IMMP2L: variants seen among roughly 807,000 people sequenced by gnomAD.
IMMP2L encodes the protein mitochondrial inner membrane protease subunit 2.
A neutral mutation model predicts 19.3 loss-of-function variants in IMMP2L; 18 were observed. That is an observed-to-expected ratio of 0.93 (90% confidence interval 0.64 to 1.38). IMMP2L has a LOEUF of 1.38. Ranked by LOEUF, IMMP2L falls within the 40% of genes most tolerant of loss-of-function variation. The pLI, the probability that IMMP2L is intolerant of heterozygous loss-of-function variation, is 0.00. For missense variants in IMMP2L, 233 were observed against 218.2 expected (o/e 1.07, Z -0.43); for synonymous variants, 76 against 73.0 (o/e 1.04, Z -0.21).
intron 5 of IMMP2L, among the ~76,000 whole-genome samples, chr7:110,881,705 C>A (rs867924735): frequency 6.6e-6 from 1 of 152,020 alleles, no homozygotes; most frequent in Non-Finnish European, 1.5e-5. Context: ...TGCTACAATT[C>A]GACAATAAAA....
intron 3 of IMMP2L, among the ~76,000 whole-genome samples, chr7:111,470,840 C>G (rs1841190429): frequency 6.6e-6 from 1 of 150,860 alleles, no homozygotes; most frequent in African/African-American, 2.4e-5. Context: ...CTAACCTGCA[C>G]ATTGTGCTCA....
intron 5 of IMMP2L, chr7:110,725,936 T>G (rs918003606): frequency 3.3e-5 from 5 of 152,334 alleles, no homozygotes; most frequent in African/African-American, 1.2e-4. Context: ...AAGTCTTATA[T>G]ATATTAACTC....
intron 3 of IMMP2L, among the ~76,000 whole-genome samples, chr7:111,201,293 A>C (rs1045255717): frequency 3.3e-5 from 5 of 151,898 alleles, no homozygotes; most frequent in African/African-American, 1.2e-4. Flanking sequence ...AAAAAAAAAA[A>C]CTGCGTCAAT....
intron 1 of IMMP2L, among the ~76,000 whole-genome samples, chr7:111,550,139 TG>T (rs1849315488): frequency 6.6e-6 from 1 of 152,068 alleles, no homozygotes; most frequent in Admixed American, 6.5e-5. Context: ...AATAAGCTCC[TG>T]GGAAAATACC....
chr7:111,455,350 C>T (rs1839588054), intron 3 of IMMP2L, among the ~76,000 whole-genome samples: 1 of 151,434 alleles, frequency 6.6e-6, no homozygotes, highest in African/African-American at 2.4e-5. Flanking sequence ...TCTTTGATAC[C>T]CATTCTTTTT....
chr7:111,418,025 AATT>A, intron 3 of IMMP2L, among the ~76,000 whole-genome samples: 1 of 151,982 alleles, frequency 6.6e-6, no homozygotes, highest in African/African-American at 2.4e-5. Flanking sequence ...ATCTATAAAA[AATT>A]ATATTATAAA....
intron 3 of IMMP2L, among the ~76,000 whole-genome samples, chr7:111,235,628 A>T (rs1174950486): frequency 6.6e-6 from 1 of 151,756 alleles, no homozygotes; most frequent in Non-Finnish European, 1.5e-5. Flanking sequence ...CCTTCTTTTA[A>T]GATTTTCTCA....
chr7:110,951,997 A>G (rs1817878472), intron 4 of IMMP2L, among the ~76,000 whole-genome samples: 1 of 152,126 alleles, frequency 6.6e-6, no homozygotes, highest in Non-Finnish European at 1.5e-5. Flanking sequence ...GTTCAGGCTG[A>G]AATATTCAAG....
intron 3 of IMMP2L, among the ~76,000 whole-genome samples, chr7:111,376,221 T>TA (rs1394582280): frequency 2.6e-5 from 4 of 151,628 alleles, no homozygotes; most frequent in Admixed American, 2.0e-4. Context: ...AGTTTTTTGG[T>TA]AAAAAAAATA....
At chr7:111,148,748 GTA>G (rs778091412) in intron 3 of IMMP2L, among the ~76,000 whole-genome samples, 1 of 151,706 alleles carries the variant, frequency 6.6e-6, no homozygotes, top group Non-Finnish European at 1.5e-5. Flanking sequence ...TGACATACGT[GTA>G]TGTGTGTGTG....
At chr7:110,952,747 T>C (rs1044674941) in intron 4 of IMMP2L, among the ~76,000 whole-genome samples, 1 of 152,126 alleles carries the variant, frequency 6.6e-6, no homozygotes, top group Admixed American at 6.6e-5. Flanking sequence ...GTGTTTCCCA[T>C]CTTAGGTACC....
chr7:110,769,674 C>G (rs1231801925), intron 5 of IMMP2L, among the ~76,000 whole-genome samples: 2 of 151,790 alleles, frequency 1.3e-5, no homozygotes, highest in Non-Finnish European at 2.9e-5. Context: ...ATTCTGATCA[C>G]CACTTAACAT....
chr7:110,674,188 G>C (rs1389932501), intron 5 of IMMP2L, among the ~76,000 whole-genome samples: 1 of 152,132 alleles, frequency 6.6e-6, no homozygotes, highest in African/African-American at 2.4e-5. Context: ...CAGCAGCAAG[G>C]AGAAATGTCA....
At chr7:110,978,589 T>C (rs1820935600) in intron 3 of IMMP2L, among the ~76,000 whole-genome samples, 1 of 152,100 alleles carries the variant, frequency 6.6e-6, no homozygotes, top group African/African-American at 2.4e-5. Flanking sequence ...AAAATTATTT[T>C]CATTTTATAA....
At chr7:111,173,621 T>G (rs1806699589) in intron 3 of IMMP2L, among the ~76,000 whole-genome samples, 1 of 151,762 alleles carries the variant, frequency 6.6e-6, no homozygotes, top group South Asian at 2.1e-4. Context: ...ATAATTTGTA[T>G]GTCCAGACTC....
intron 3 of IMMP2L, among the ~76,000 whole-genome samples, chr7:110,978,265 G>T (rs1820906169): frequency 1.3e-5 from 2 of 151,704 alleles, no homozygotes; most frequent in South Asian, 2.1e-4. Context: ...ATATTTGTAG[G>T]CTTTTATTCC....
intron 5 of IMMP2L, among the ~76,000 whole-genome samples, chr7:110,772,857 A>AG (rs1799126589): frequency 6.6e-6 from 1 of 152,138 alleles, no homozygotes; most frequent in Non-Finnish European, 1.5e-5. Context: ...ATGCCTGCAT[A>AG]TTAAGGACCA....
intron 3 of IMMP2L, among the ~76,000 whole-genome samples, chr7:111,172,134 T>A (rs1225719287): frequency 6.6e-6 from 1 of 151,448 alleles, no homozygotes; most frequent in East Asian, 1.9e-4. Flanking sequence ...ATAAATCACA[T>A]TTGTCAGTTG....
At chr7:111,229,958 C>A (rs1164479416) in intron 3 of IMMP2L, among the ~76,000 whole-genome samples, 1 of 151,850 alleles carries the variant, frequency 6.6e-6, no homozygotes, top group African/African-American at 2.4e-5. Context: ...AAATGTAATT[C>A]CAAAAAAGAC....
Sources: allele counts gnomAD v4.1 joint callset (sites outside exome capture counted in the v4.1 genomes callset), GRCh38; gene constraint gnomAD v4.1.1; transcripts MANE v1.5; gene names NCBI Gene and HGNC (gene_info 2026-07-23, HGNC 2026-07-21).